Variants in GTF2IRD1 observed in about 807,000 individuals in gnomAD.
GTF2IRD1 encodes the protein GTF2I repeat domain containing 1.
A neutral mutation model predicts 113.2 loss-of-function variants in GTF2IRD1; 26 were observed. That is an observed-to-expected ratio of 0.23 (90% CI 0.17 to 0.32). GTF2IRD1 has a LOEUF of 0.32. Among genes scored for constraint, GTF2IRD1 ranks in the 10% least tolerant of loss-of-function variants. GTF2IRD1 has a pLI of 1.00. For missense variants in GTF2IRD1, 864 were observed against 1,280.8 expected (o/e 0.67, Z 4.97); for synonymous variants, 484 against 529.1 (o/e 0.91, Z 1.17).
intron 25 of GTF2IRD1, among the ~76,000 whole-genome samples, chr7:74,596,449 G>A (rs1554372295): frequency 7.5e-6 from 1 of 133,856 alleles, no homozygotes; most frequent in Admixed American, 8.5e-5. Context: ...AACAGAGCAA[G>A]ACTCTGTCTC....
chr7:74,570,995 G>A, intron 22 of GTF2IRD1: 1 of 575,578 alleles, frequency 1.7e-6, no homozygotes, highest in Non-Finnish European at 2.2e-6. Flanking sequence ...AAACACGAGG[G>A]CTCTCCCCGG....
chr7:74,573,253 T>C (rs1246757530), intron 22 of GTF2IRD1, among the ~76,000 whole-genome samples: 1 of 151,342 alleles, frequency 6.6e-6, no homozygotes, highest in Non-Finnish European at 1.5e-5. Flanking sequence ...TGACAAAAAA[T>C]GAGCCAGGCA....
intron 9 of GTF2IRD1, among the ~76,000 whole-genome samples, chr7:74,533,238 A>C (rs1554349353): frequency 6.7e-6 from 1 of 149,902 alleles, no homozygotes. Context: ...AGGTTCAAGC[A>C]ATTCTCCTGC....
intron 22 of GTF2IRD1, among the ~76,000 whole-genome samples, chr7:74,577,009 AGTGCCC>A (rs1202949706): frequency 2.0e-5 from 3 of 151,730 alleles, no homozygotes; most frequent in African/African-American, 7.3e-5. Context: ...TGAGTTACCA[AGTGCCC>A]GTGATGGGTT....
chr7:74,526,137 C>G (rs1042985995), intron 8 of GTF2IRD1, among the ~76,000 whole-genome samples: 1 of 152,250 alleles, frequency 6.6e-6, no homozygotes, highest in South Asian at 2.1e-4. Flanking sequence ...AGGGAGGAGC[C>G]GGCTCTGCCT....
intron 17 of GTF2IRD1, among the ~76,000 whole-genome samples, chr7:74,551,901 A>C (rs1799330323): frequency 6.6e-6 from 1 of 152,092 alleles, no homozygotes. Context: ...GTGCCATTGC[A>C]CTTCAGCCTG....
chr7:74,545,636 C>T (rs1798879264), intron 15 of GTF2IRD1, 108 bp from the exon 16 acceptor site: 1 of 818,358 alleles, frequency 1.2e-6, no homozygotes, highest in South Asian at 1.4e-5. Flanking sequence ...CCAGCCTTCC[C>T]CCATTCCAAG....
chr7:74,558,767 G>A (rs587737835), intron 20 of GTF2IRD1, 94 bp from the exon 21 acceptor site: 26 of 907,286 alleles, frequency 2.9e-5, no homozygotes, highest in South Asian at 1.5e-4. Context: ...TCTCCTGCAC[G>A]CATGTCTTTC....
Position 74,586,811 on chromosome 7 carries a change from G to A in GTF2IRD1, c.2321-3040G>A, listed in dbSNP as rs587632740. ...CCACGCCAGGAGATGCAGTTCCCAA[G>A]GCAGCCTCCTAAACAGAAGTGAGCT... On this transcript the variant is annotated intron_variant, in intron 22 of 26. Transcript: ENST00000424337. Among the ~76,000 whole-genome samples the A allele has an allele frequency of 4.6e-5, 7 of 152,320 alleles. No individual in the cohort carries two copies. In the South Asian group the frequency reaches 1.4e-3, roughly 32 times the overall value.
intron 21 of GTF2IRD1, 137 bp from the exon 22 acceptor site, chr7:74,559,490 C>A (rs1799815804): frequency 2.8e-6 from 2 of 711,668 alleles, no homozygotes; most frequent in South Asian, 1.7e-5. Context: ...AGCCCCAGGG[C>A]AGCTTGTTAA....
At chr7:74,599,839 C>A (rs1191857390) in intron 25 of GTF2IRD1, among the ~76,000 whole-genome samples, 1 of 152,062 alleles carries the variant, frequency 6.6e-6, no homozygotes, top group African/African-American at 2.4e-5. Context: ...CCTCTTTATA[C>A]CCTCCCTGGA....
Position 74,555,023 on chromosome 7 carries a change from C to T in GTF2IRD1, c.1917-151C>T. On this transcript the variant is annotated intron_variant, in intron 17 of 26. Coordinates refer to ENST00000424337, the MANE Select transcript of GTF2IRD1 (RefSeq NM_005685.4). The surrounding 1 kb of genome is among the most constrained non-coding windows in gnomAD (Gnocchi z 5.3). ...GCCCAGCGCAGCCCCCCAGATTCCACATGTGGGGCGGCAGGGACTCCAGGC... is the reference window on the plus strand; with the variant it reads ...GCCCAGCGCAGCCCCCCAGATTCCATATGTGGGGCGGCAGGGACTCCAGGC... 1 of 662,948 alleles carries T rather than the reference C, an allele frequency of 1.5e-6. No homozygotes were observed. Among genetic ancestry groups the T allele is most frequent in the Non-Finnish European group, 2.5e-6 (1 of 393,600 alleles). 41.1% of individuals were successfully genotyped at this position (662,948 alleles called of 1,614,324 possible).
In GTF2IRD1 at chr7:74,559,052, G is replaced by T. The variant is rs1554358225; in HGVS notation, c.2291+8G>T. 1.9e-6 allele frequency: 3 copies of T among 1,611,598 alleles called. No individual in the cohort carries two copies. The highest frequency in any genetic ancestry group is 1.7e-5 in the Admixed American group (1 of 59,844). ...CAAGTTCACAGTCACCAGGTACTCAGTGGGAAGGGTGAGGGTGAAGAGGCA... is the reference window on the plus strand; with the variant it reads ...CAAGTTCACAGTCACCAGGTACTCATTGGGAAGGGTGAGGGTGAAGAGGCA... On this transcript the variant is annotated splice_region_variant and intron_variant, in intron 21 of 26. Coordinates refer to ENST00000424337, the MANE Select transcript of GTF2IRD1 (RefSeq NM_005685.4).
chr7:74,601,217 C>A (rs1338735465), intron 26 of GTF2IRD1, 37 bp downstream of exon 26: 1 of 1,554,350 alleles, frequency 6.4e-7, no homozygotes, highest in East Asian at 2.4e-5. Context: ...GCACTCATCT[C>A]TGTGGCCCTC....
rs587634803 is a variant in GTF2IRD1 at position 74,515,879 on chromosome 7, C to T, written c.421+283C>T. Among the ~76,000 whole-genome samples, 12 of 152,272 alleles carry T rather than the reference C, an allele frequency of 7.9e-5. No homozygotes were observed. In the South Asian group the frequency reaches 1.4e-3, roughly 18 times the overall value. ...TAGCCCCAGGCTTGCCACGGTCTCC[C>T]TGCTTCCAGACCAGCTCTCTACACC... On this transcript the variant is annotated intron_variant, in intron 4 of 26. Transcript: ENST00000424337.
At chr7:74,462,233 G>T (rs181542395) in intron 1 of GTF2IRD1, among the ~76,000 whole-genome samples, 1 of 152,218 alleles carries the variant, frequency 6.6e-6, no homozygotes, top group South Asian at 2.1e-4. Flanking sequence ...GCCGGGTGTG[G>T]TGATGTGTGC....
chr7:74,568,624 T>G (rs782712567), intron 22 of GTF2IRD1, among the ~76,000 whole-genome samples: 25 of 151,900 alleles, frequency 1.6e-4, no homozygotes, highest in East Asian at 9.7e-4. Flanking sequence ...CTCCAGCCTG[T>G]GCGACAGAGC....
At chr7:74,587,977 A>G (rs1354239963) in intron 22 of GTF2IRD1, among the ~76,000 whole-genome samples, 1 of 151,982 alleles carries the variant, frequency 6.6e-6, no homozygotes, top group Admixed American at 6.6e-5. Context: ...GGGATTTCCA[A>G]CAGCCCAGCA....
chr7:74,547,332 G>A (rs782419322), intron 17 of GTF2IRD1, 46 bp downstream of exon 17: 115 of 1,443,604 alleles, frequency 8.0e-5, no homozygotes, highest in Non-Finnish European at 1.0e-4. Context: ...GCCCTGCTCA[G>A]CACCAAGGGG....
Sources: allele counts gnomAD v4.1 joint callset (sites outside exome capture counted in the v4.1 genomes callset), GRCh38; gene constraint gnomAD v4.1.1; non-coding constraint Gnocchi (gnomAD v3.1); transcripts MANE v1.5; gene names NCBI Gene and HGNC (gene_info 2026-07-23, HGNC 2026-07-21).